The following PEX1 variants were observed in gnomAD, a reference collection of about 807,000 sequenced individuals.
The protein encoded by PEX1 is peroxisomal biogenesis factor 1.
PEX1 carries 97 observed loss-of-function variants against 152.5 expected under a neutral mutation model. The observed-to-expected ratio is 0.64, with a 90% CI of 0.54 to 0.75. The LOEUF (loss-of-function observed/expected upper bound fraction) is 0.75, where lower values mean the gene tolerates loss of function less well. Among genes scored for constraint, PEX1 ranks in the 30% least tolerant of loss-of-function variants. The probability of loss-of-function intolerance (pLI) is 0.00; values close to 1 mark genes in which losing one functional copy is unlikely to be tolerated. For synonymous variants in PEX1, 485 were observed against 531.6 expected (o/e 0.91, Z 1.21); for missense variants, 1,357 against 1,516.3 (o/e 0.89, Z 1.74).
chr7:92,523,472 C>T (rs1434971807), intron 1 of PEX1, among the ~76,000 whole-genome samples: 2 of 151,852 alleles, frequency 1.3e-5, no homozygotes, highest in South Asian at 2.1e-4. Flanking sequence ...TAGGCATACA[C>T]CACCACACCT....
At chr7:92,511,171 A>C in intron 7 of PEX1, 124 bp from the exon 8 acceptor site, 1 of 624,888 alleles carries the variant, frequency 1.6e-6, no homozygotes, top group Non-Finnish European at 2.9e-6. Flanking sequence ...ACAGGGTCTC[A>C]CTCTGCTGCC....
intron 20 of PEX1, among the ~76,000 whole-genome samples, chr7:92,491,909 A>G (rs1482474831): frequency 1.3e-5 from 2 of 152,186 alleles, no homozygotes; most frequent in Non-Finnish European, 2.9e-5. Flanking sequence ...AAGAACTTCA[A>G]TGGCTTGCCA....
Position 92,489,363 on chromosome 7 carries a change from G to A in PEX1, c.3697C>T (p.His1233Tyr). ...GTGTGACCAAGTGCAGTCATTAAAT[G>A]TGACTGACTAATAGCCAGTCTGGTT... Reference protein sequence around the residue: ...IKTRLAISQSHLMTALGHTRP... With the variant: ...IKTRLAISQSYLMTALGHTRP... Residue 1233 changes from histidine to tyrosine, a missense_variant, in exon 23 of 24, where the codon CAT (histidine) becomes TAT (tyrosine). By Grantham distance (83) the His-to-Tyr change is moderately conservative. Coordinates refer to ENST00000248633, the MANE Select transcript of PEX1 (RefSeq NM_000466.3). 6 of 1,609,412 alleles carry A rather than the reference G, an allele frequency of 3.7e-6. No homozygotes were observed. Among genetic ancestry groups the A allele is most frequent in the Non-Finnish European group, 5.1e-6 (6 of 1,175,852 alleles).
chr7:92,516,110 G>GA (rs946029832), intron 5 of PEX1, among the ~76,000 whole-genome samples: 3 of 151,168 alleles, frequency 2.0e-5, no homozygotes, highest in East Asian at 1.9e-4. Flanking sequence ...GAAAAGAAAA[G>GA]AATGGTCTGG....
chr7:92,528,500 C>T lies in PEX1; in HGVS notation c.-65G>A. ...CGCAAAGGACCCGGGACCCGGCAGG[C>T]CGAGGACGTCGGAGCCGGAGGAGAT... is the stretch of plus-strand genomic sequence containing the variant. On this transcript the variant is annotated 5_prime_UTR_variant, in exon 1 of 24. Coordinates refer to ENST00000248633, the MANE Select transcript of PEX1 (RefSeq NM_000466.3). 6.7e-7 allele frequency: 1 copy of T among 1,491,468 alleles called. No individual in the cohort carries two copies. The allele number at this position is 1,491,468 out of a possible 1,614,324, so 92.4% of individuals were successfully genotyped here. A position where few individuals can be genotyped will look rare whatever the true frequency, so the allele number is the denominator to read the frequency against.
Position 92,523,771 on chromosome 7 carries a change from C to G in PEX1, c.130-1526G>C, listed in dbSNP as rs1046186236. On this transcript the variant is annotated intron_variant, in intron 1 of 23. Transcript: ENST00000248633. ...ACTTGAGTCAGGGAGGTTGAGGCTA[C>G]AGTGAGCCATGATAGTGCCATTACA... Among the ~76,000 whole-genome samples the G allele has an allele frequency of 9.8e-4, 149 of 152,222 alleles. 1 individual carries two copies. Among genetic ancestry groups the G allele is most frequent in the African/African-American group, 3.5e-3 (145 of 41,546 alleles).
rs1182148463 is a variant in PEX1 at position 92,528,363 on chromosome 7, G to A, written c.73C>T (p.Arg25Cys). Reference protein sequence around the residue: ...AAVTVAFTNARDCFLHLPRRL... With the variant: ...AAVTVAFTNACDCFLHLPRRL... ...CGCGGCAGGTGGAGGAAGCAGTCGC[G>A]AGCGTTGGTGAAGGCCACAGTCACT... is the stretch of plus-strand genomic sequence containing the variant. Residue 25 changes from arginine to cysteine, a missense_variant, in exon 1 of 24, where the codon CGC becomes TGC. Coordinates refer to ENST00000248633, the MANE Select transcript of PEX1 (RefSeq NM_000466.3). 1.3e-6 allele frequency: 2 copies of A among 1,586,186 alleles called. No homozygotes were observed. Among genetic ancestry groups the A allele is most frequent in the Non-Finnish European group, 1.7e-6 (2 of 1,168,222 alleles).
intron 9 of PEX1, 96 bp from the exon 10 acceptor site, chr7:92,507,222 ATTAAT>A (rs988943101): frequency 8.3e-5 from 81 of 977,132 alleles, no homozygotes; most frequent in Middle Eastern, 2.8e-4. Flanking sequence ...AGTGTAGTTA[ATTAAT>A]TTAATTTAAT....
intron 19 of PEX1, chr7:92,493,790 T>A (rs1791489146): frequency 2.3e-5 from 4 of 173,394 alleles, no homozygotes; most frequent in Admixed American, 2.2e-4. Context: ...GTAACATATA[T>A]ACAGATACTT....
At chr7:92,497,217 C>A (rs951420903) in intron 16 of PEX1, among the ~76,000 whole-genome samples, 3 of 152,108 alleles carry the variant, frequency 2.0e-5, no homozygotes, top group Non-Finnish European at 4.4e-5. Flanking sequence ...TCCAAAAAGG[C>A]AGTTTTGTTC....
intron 19 of PEX1, chr7:92,493,972 T>C (rs1041591903): frequency 6.6e-6 from 2 of 302,368 alleles, no homozygotes; most frequent in East Asian, 1.6e-4. Context: ...TATCAGAGTT[T>C]TTTTTTTGAC....
chr7:92,528,475 C>G lies in PEX1; in HGVS notation c.-40G>C. On this transcript the variant is annotated 5_prime_UTR_variant, in exon 1 of 24. Coordinates refer to ENST00000248633, the MANE Select transcript of PEX1 (RefSeq NM_000466.3). ...GCTCTGGGTTCGCCCACCCTAGCGC[C>G]GCAAAGGACCCGGGACCCGGCAGGC... 1 of 1,538,586 alleles carries G rather than the reference C, an allele frequency of 6.5e-7. No homozygotes were observed. Among genetic ancestry groups the G allele is most frequent in the Non-Finnish European group, 8.7e-7 (1 of 1,143,352 alleles).
At chr7:92,505,223 C>T (rs1792130764) in intron 11 of PEX1, among the ~76,000 whole-genome samples, 1 of 151,856 alleles carries the variant, frequency 6.6e-6, no homozygotes, top group Non-Finnish European at 1.5e-5. Flanking sequence ...ATCAGCCTGG[C>T]CAACATGGTG....
intron 16 of PEX1, among the ~76,000 whole-genome samples, chr7:92,498,680 T>G (rs1278278852): frequency 6.6e-6 from 1 of 152,096 alleles, no homozygotes; most frequent in Non-Finnish European, 1.5e-5. Context: ...ACACCAGTGG[T>G]GGACTGTGAA....
In PEX1 at chr7:92,487,272, T is replaced by C. The variant is rs1221492354; in HGVS notation, c.*185A>G. On this transcript the variant is annotated 3_prime_UTR_variant, in exon 24 of 24. Coordinates refer to ENST00000248633, the MANE Select transcript of PEX1 (RefSeq NM_000466.3). ...TGGAATCTGTTATAATGTCCCAATT[T>C]ATACTACAGTATTAATCTCAATCCT... is the stretch of plus-strand genomic sequence containing the variant. 5.0e-6 allele frequency: 2 copies of C among 397,646 alleles called. No individual in the cohort carries two copies. The highest frequency in any genetic ancestry group is 8.9e-6 in the Non-Finnish European group (2 of 223,664). The allele number at this position is 397,646 out of a possible 1,614,324, so 24.6% of individuals were successfully genotyped here.
Position 92,513,986 on chromosome 7 carries a change from CA to C in PEX1, c.1240-20del. 2 of 1,439,400 alleles carry C rather than the reference CA, an allele frequency of 1.4e-6. No homozygotes were observed. The highest frequency in any genetic ancestry group is 1.9e-6 in the Non-Finnish European group (2 of 1,030,962). The allele number at this position is 1,439,400 out of a possible 1,614,324, so 89.2% of individuals were successfully genotyped here. On this transcript the variant is annotated intron_variant, in intron 5 of 23. Coordinates refer to ENST00000248633, the MANE Select transcript of PEX1 (RefSeq NM_000466.3). ...CTGGAATCTGAAATTTAAAAATAAA[CA>C]AAAATATAAATATATTCAAAGCTTG...
chr7:92,514,769 C>T (rs1352849551), intron 5 of PEX1, among the ~76,000 whole-genome samples: 1 of 152,030 alleles, frequency 6.6e-6, no homozygotes, highest in Non-Finnish European at 1.5e-5. Context: ...AATTTTACCT[C>T]AGCCGGGCGC....
chr7:92,493,002 T>C lies in PEX1; in HGVS notation c.3158A>G (p.Asn1053Ser), dbSNP rs1280808185. 3.7e-6 allele frequency: 6 copies of C among 1,613,790 alleles called. No homozygotes were observed. Among genetic ancestry groups the C allele is most frequent in the African/African-American group, 2.7e-5 (2 of 74,888 alleles). ...TCCATGTAAGGCCTCCAATTGGGCA[T>C]TGTAAAGTAAAGCTTTCAGATCAGC... is the stretch of plus-strand genomic sequence containing the variant. ...TGADLKALLY[N>S]AQLEALHGML... Residue 1053 changes from asparagine (N) to serine (S), a missense_variant, in exon 20 of 24, where the codon AAT (asparagine) becomes AGT (serine). Asn to Ser is a conservative substitution (Grantham distance 46). Coordinates refer to ENST00000248633, the MANE Select transcript of PEX1 (RefSeq NM_000466.3).
rs749727461 is a variant in PEX1 at position 92,491,482 on chromosome 7, A to G, written c.3228T>C (p.Asp1076=). 6 of 1,610,778 alleles carry G rather than the reference A, an allele frequency of 3.7e-6. No homozygotes were observed. The African/African-American group carries it at 4.0e-5, about 11-fold the overall frequency. ...CCATTGAAGACAGACTTAGGTCACT[A>G]TCAGAGCTGGAACTTCCATCCTAAA... ...SGLQDGSSSS[D]SDLSLSSMVF... Residue 1076 remains aspartate (D), a synonymous_variant, in exon 21 of 24, where the codon GAT becomes GAC. Coordinates refer to ENST00000248633, the MANE Select transcript of PEX1 (RefSeq NM_000466.3).
Sources: allele counts gnomAD v4.1 joint callset (sites outside exome capture counted in the v4.1 genomes callset), GRCh38; gene constraint gnomAD v4.1.1; transcripts MANE v1.5; gene names NCBI Gene and HGNC (gene_info 2026-07-23, HGNC 2026-07-21).